Variants in IL13RA1 observed in about 807,000 individuals in gnomAD.
IL13RA1 encodes interleukin-13 receptor subunit alpha-1.
In IL13RA1, 14 loss-of-function variants were observed where a neutral mutation model predicts 33.8. That is an observed-to-expected ratio of 0.41 (90% CI 0.27 to 0.65). The LOEUF is 0.65. Ranked by LOEUF, IL13RA1 falls within the 30% of genes least tolerant of loss-of-function variation. The probability of loss-of-function intolerance (pLI) is 0.28; values close to 1 mark genes in which losing one functional copy is unlikely to be tolerated. For synonymous variants in IL13RA1, 116 were observed against 115.7 expected (o/e 1.00, Z -0.02); for missense variants, 313 against 327.0 (o/e 0.96, Z 0.33).
chrX:118,741,266 G>C, intron 2 of IL13RA1, 110 bp downstream of exon 2: 1 of 524,686 alleles, frequency 1.9e-6, no homozygotes. Context: ...TGTATTTTAG[G>C]GTGTGTTTAA....
At chrX:118,800,384 C>T in the IL13RA1 span, among the ~76,000 whole-genome samples, 2 of 110,991 alleles carry the variant, frequency 1.8e-5, no homozygotes, top group Non-Finnish European at 3.8e-5. Context: ...CCTGCGGCTT[C>T]ACTCCTGAGC....
intron 8 of IL13RA1, among the ~76,000 whole-genome samples, chrX:118,773,347 T>C (rs2017745515): frequency 1.8e-5 from 2 of 111,208 alleles, no homozygotes; most frequent in South Asian, 7.6e-4. Flanking sequence ...AAAAATTAAC[T>C]CGGTGTGGTG....
chrX:118,740,869 G>A, intron 1 of IL13RA1, 148 bp from the exon 2 acceptor site: 6 of 502,492 alleles, frequency 1.2e-5, no homozygotes, highest in Non-Finnish European at 1.7e-5. Context: ...AATATGTGTG[G>A]AATATTTAGA....
At chrX:118,743,940 G>A (rs2017375104) in intron 2 of IL13RA1, among the ~76,000 whole-genome samples, 1 of 111,825 alleles carries the variant, frequency 8.9e-6, no homozygotes, top group African/African-American at 3.3e-5. Flanking sequence ...GAGGTCAGGA[G>A]TTCAAGACCA....
At position 118,747,353 on chromosome X, in the gene IL13RA1, G is replaced by A. The variant is rs188350090; in HGVS notation, c.367+261G>A. Among the ~76,000 whole-genome samples, 98 of 108,832 alleles carry A rather than the reference G, an allele frequency of 9.0e-4. 1 individual carries two copies. Among genetic ancestry groups the A allele is most frequent in the Non-Finnish European group, 1.6e-3 (83 of 52,166 alleles). 94.5% of individuals were successfully genotyped at this position (108,832 alleles called of 115,157 possible). A position where few individuals can be genotyped will look rare whatever the true frequency, so the allele number is the denominator to read the frequency against. ...TAAAAAATGATATACACATGCACGC[G>A]CGCGCACACACACACTCACACACAC... On this transcript the variant is annotated intron_variant, in intron 3 of 10. Coordinates refer to ENST00000371666, the MANE Select transcript of IL13RA1 (RefSeq NM_001560.3).
At chrX:118,801,493 A>C in the IL13RA1 span, among the ~76,000 whole-genome samples, 7,731 of 111,758 alleles carry the variant, frequency 0.069, 230 homozygotes, top group Non-Finnish European at 0.1. Flanking sequence ...TATTAGTTGT[A>C]CATTGGACAT....
At chrX:118,784,118 T>TATATATATATATATAC (rs1491369585) in intron 10 of IL13RA1, among the ~76,000 whole-genome samples, 1 of 21,462 alleles carries the variant, frequency 4.7e-5, no homozygotes, top group Admixed American at 7.8e-4. Context: ...TACGTATATA[T>TATATATATATATATAC]GTATATATAT....
chrX:118,794,843 TG>T (rs1484704883), downstream of IL13RA1, among the ~76,000 whole-genome samples: 1 of 111,391 alleles, frequency 9.0e-6, no homozygotes. Flanking sequence ...TAAGCTAAAG[TG>T]GAATGCAATA....
At chrX:118,783,611 C>T (rs896492587) in intron 10 of IL13RA1, among the ~76,000 whole-genome samples, 6 of 110,931 alleles carry the variant, frequency 5.4e-5, no homozygotes, top group Non-Finnish European at 1.1e-4. Context: ...GAAGCCCTTT[C>T]TGTTGTAGTG....
chrX:118,774,659 G>T (rs1317105263), intron 9 of IL13RA1, among the ~76,000 whole-genome samples: 1 of 112,154 alleles, frequency 8.9e-6, no homozygotes, highest in African/African-American at 3.2e-5. Context: ...GACTTGTCTG[G>T]TATTAATGCA....
Position 118,780,171 on chromosome X carries a change from G to GA in IL13RA1, c.1191+3667dup, listed in dbSNP as rs201386722. Among the ~76,000 whole-genome samples, 990 of 111,830 alleles carry GA rather than the reference G, an allele frequency of 8.9e-3. 22 individuals are homozygous for GA. The highest frequency in any genetic ancestry group is 0.031 in the African/African-American group (948 of 30,656). On this transcript the variant is annotated intron_variant, in intron 10 of 10. Coordinates refer to ENST00000371666, the MANE Select transcript of IL13RA1 (RefSeq NM_001560.3). ...TTTTTATGTCGGCTTTTAACCAAATGAAAAAAATCTGCTTTCTTCACATGG... is the reference window on the plus strand; with the variant it reads ...TTTTTATGTCGGCTTTTAACCAAATGAAAAAAAATCTGCTTTCTTCACATGG...
chrX:118,744,917 G>A (rs1344806704), intron 2 of IL13RA1, among the ~76,000 whole-genome samples: 1 of 111,726 alleles, frequency 9.0e-6, no homozygotes, highest in Non-Finnish European at 1.9e-5. Flanking sequence ...GGCAAATATA[G>A]CTTCCAAACA....
chrX:118,795,227 A>AAAAAAAAAAAAAG (rs200347606), downstream of IL13RA1, among the ~76,000 whole-genome samples: 18 of 94,997 alleles, frequency 1.9e-4, 1 homozygote, highest in African/African-American at 8.6e-4. Flanking sequence ...AAAAAAAAAA[A>AAAAAAAAAAAAAG]AAAGAAAAAG....
At chrX:118,799,315 T>C (rs778150695), downstream of IL13RA1, among the ~76,000 whole-genome samples, 16 of 113,103 alleles carry the variant, frequency 1.4e-4, no homozygotes, top group East Asian at 1.4e-3. Context: ...CCAGTCCCAT[T>C]GACCACCCAA....
At chrX:118,800,503 G>A in the IL13RA1 span, among the ~76,000 whole-genome samples, 1 of 110,742 alleles carries the variant, frequency 9.0e-6, no homozygotes, top group South Asian at 3.9e-4. Flanking sequence ...TAGCCAGTGA[G>A]ACCACGAACC....
chrX:118,746,230 C>T (rs1447252757), intron 2 of IL13RA1, among the ~76,000 whole-genome samples: 2 of 110,789 alleles, frequency 1.8e-5, no homozygotes, highest in South Asian at 3.8e-4. Flanking sequence ...AGTGATCCTC[C>T]CACCTCAGCC....
chrX:118,794,878 C>T (rs2018017131), downstream of IL13RA1, among the ~76,000 whole-genome samples: 1 of 111,182 alleles, frequency 9.0e-6, no homozygotes, highest in Admixed American at 9.6e-5. Flanking sequence ...ACATGATGTG[C>T]AATGTCTAGT....
chrX:118,761,506 T>G (rs932000374), intron 6 of IL13RA1: 6 of 275,061 alleles, frequency 2.2e-5, no homozygotes, highest in Non-Finnish European at 3.8e-5. Context: ...ATCTGTAAGC[T>G]TCTTAGAAAG....
chrX:118,756,629 A>G (rs951436461), intron 4 of IL13RA1, among the ~76,000 whole-genome samples: 4 of 111,742 alleles, frequency 3.6e-5, no homozygotes, highest in African/African-American at 1.3e-4. Context: ...GTATCATAAA[A>G]GACGAGGATC....
Sources: gnomAD v4.1 joint callset for allele counts (sites outside exome capture counted in the v4.1 genomes callset) on GRCh38, gnomAD v4.1.1 for gene constraint, MANE v1.5 for transcripts, NCBI Gene and HGNC (gene_info 2026-07-23, HGNC 2026-07-21) for gene names.